Variants in SERPINB8 observed in about 807,000 individuals in gnomAD.
SERPINB8 encodes the protein serpin B8.
Under a neutral mutation model 35.3 loss-of-function variants are expected in SERPINB8, and 25 were observed. The observed-to-expected ratio is 0.71, with a 90% CI of 0.52 to 0.99. SERPINB8 has a LOEUF of 0.99. Ranked by LOEUF, SERPINB8 falls within the 50% of genes least tolerant of loss-of-function variation. The pLI, the probability that SERPINB8 is intolerant of heterozygous loss-of-function variation, is 0.00. For missense variants in SERPINB8, 484 were observed against 446.5 expected, an observed-to-expected ratio of 1.08 and a Z score of -0.76; for synonymous variants, 186 against 160.8, an observed-to-expected ratio of 1.16 and a Z score of -1.19.
At chr18:64,014,570 C>G (rs963933658) in intron 7 of SERPINB8, among the ~76,000 whole-genome samples, 5 of 152,166 alleles carry the variant, frequency 3.3e-5, no homozygotes, top group African/African-American at 1.2e-4. Flanking sequence ...TGCCAACTCT[C>G]TCAGTCTTTT....
chr18:63,997,234 C>T (rs2050854366), intron 1 of SERPINB8, among the ~76,000 whole-genome samples: 1 of 152,198 alleles, frequency 6.6e-6, no homozygotes. Context: ...GTACGTGACT[C>T]ACGGCTGTGA....
chr18:64,000,330 T>C (rs2050868349), intron 1 of SERPINB8, among the ~76,000 whole-genome samples: 2 of 152,186 alleles, frequency 1.3e-5, no homozygotes, highest in African/African-American at 4.8e-5. Context: ...ATCCCGCAAA[T>C]TCCATTTATT....
At chr18:63,981,101 G>C (rs74257049) in intron 3 of SERPINB8, among the ~76,000 whole-genome samples, 2,755 of 152,296 alleles carry the variant, frequency 0.018, 61 homozygotes, top group East Asian at 0.084. Flanking sequence ...GTACACATGT[G>C]CACTCATGCA....
intron 4 of SERPINB8, 52 bp downstream of exon 4, chr18:63,981,890 G>T (rs1260997252): frequency 2.3e-6 from 3 of 1,301,788 alleles, no homozygotes; most frequent in Non-Finnish European, 3.3e-6. Flanking sequence ...ACGAGGCTTA[G>T]ATTGACTGGG....
chr18:64,001,475 GTTTA>G (rs59133514), intron 1 of SERPINB8, among the ~76,000 whole-genome samples: 1,810 of 146,882 alleles, frequency 0.012, 41 homozygotes, highest in African/African-American at 0.043. Context: ...TTGTTTGTTT[GTTTA>G]TTTATTTATT....
In SERPINB8 at chr18:63,983,659, G is replaced by C; in HGVS notation, c.505G>C (p.Gly169Arg). 1 of 1,613,944 alleles carries C rather than the reference G, an allele frequency of 6.2e-7. No individual in the cohort carries two copies. ...CCTTGTGAATGCCATTTATTTCAAG[G>C]GAAAGTGGAATGAGCAATTTGACAG... is the stretch of plus-strand genomic sequence containing the variant. ...LVLVNAIYFK[G>R]KWNEQFDRKY... Residue 169 changes from glycine to arginine, a missense_variant, in exon 5 of 7, where the codon GGA (glycine) becomes CGA (arginine). Physicochemically the swap from Gly to Arg is moderately radical, Grantham distance 125. Transcript: ENST00000397985.
chr18:63,980,032 C>A (rs1944269), intron 3 of SERPINB8, 94 bp downstream of exon 3: 5 of 1,263,742 alleles, frequency 4.0e-6, no homozygotes, highest in Non-Finnish European at 5.6e-6. Flanking sequence ...TGACTTAAAA[C>A]GTGCTTGGAA....
intron 7 of SERPINB8, among the ~76,000 whole-genome samples, chr18:64,012,593 G>GCA (rs60524924): frequency 3.3e-5 from 5 of 151,356 alleles, no homozygotes; most frequent in African/African-American, 9.7e-5. Flanking sequence ...GTGTGTGTGC[G>GCA]TGTGTGTGTA....
intron 7 of SERPINB8, among the ~76,000 whole-genome samples, chr18:64,012,272 T>C (rs80108693): frequency 0.043 from 6,609 of 152,220 alleles, 478 homozygotes; most frequent in African/African-American, 0.15. Flanking sequence ...TCCTTAGTAA[T>C]ATGTGAAATA....
At chr18:64,010,496 A>G (rs2050921132), downstream of SERPINB8, among the ~76,000 whole-genome samples, 1 of 152,178 alleles carries the variant, frequency 6.6e-6, no homozygotes, top group African/African-American at 2.4e-5. Flanking sequence ...AAAGGAACAA[A>G]TGATATTGCA....
In SERPINB8 at chr18:63,986,980, G is replaced by A; in HGVS notation, c.827G>A (p.Ser276Asn). Reference sequence around the variant, plus strand: ...CTTCCCAGATTAAAGCTGGAGGAGAGTTATGACTTGGAGCCTTTCCTTCGA... The same window carrying A: ...CTTCCCAGATTAAAGCTGGAGGAGAATTATGACTTGGAGCCTTTCCTTCGA... ...VFLPRLKLEE[S>N]YDLEPFLRRL... The change falls in exon 7 of 7, where the codon AGT becomes AAT. Residue 276 changes from serine to asparagine, a missense_variant. Physicochemically the swap from Ser to Asn is conservative, Grantham distance 46. Transcript: ENST00000397985. 1 of 1,614,216 alleles carries A rather than the reference G, an allele frequency of 6.2e-7. No individual in the cohort carries two copies. Among genetic ancestry groups the A allele is most frequent in the East Asian group, 2.2e-5 (1 of 44,884 alleles).
chr18:64,016,041 C>G (rs932479585), intron 7 of SERPINB8, among the ~76,000 whole-genome samples: 1 of 152,144 alleles, frequency 6.6e-6, no homozygotes, highest in Non-Finnish European at 1.5e-5. Context: ...CTAGACAGAC[C>G]CTAGACACTT....
exon 8 of SERPINB8, chr18:64,018,996 C>A (rs2050963373): frequency 6.6e-6 from 1 of 152,206 alleles, no homozygotes; most frequent in African/African-American, 2.4e-5. Flanking sequence ...CCAACTACAT[C>A]ATGACTGTCA....
Position 63,986,903 on chromosome 18 carries a change from C to A in SERPINB8, c.750C>A (p.Phe250Leu). The A allele has an allele frequency of 6.2e-7, 1 of 1,611,680 alleles. No homozygotes were observed. The highest frequency in any genetic ancestry group is 8.5e-7 in the Non-Finnish European group (1 of 1,179,344). ...VVEKALTYEK[F>L]KAWTNSEKLT... Reference sequence around the variant, plus strand: ...AAAAAGCACTTACATATGAGAAATTCAAAGCCTGGACAAATTCAGAAAAGT... The same window carrying A: ...AAAAAGCACTTACATATGAGAAATTAAAAGCCTGGACAAATTCAGAAAAGT... The change falls in exon 7 of 7, where the codon TTC becomes TTA. Residue 250 changes from phenylalanine to leucine, a missense_variant. Transcript: ENST00000397985.
chr18:64,005,037 G>C (rs944005221), exon 2 of SERPINB8: 4 of 392,930 alleles, frequency 1.0e-5, no homozygotes, highest in Non-Finnish European at 1.8e-5. Context: ...AGCTTCTTTG[G>C]GTCCCACAAA....
At chr18:63,992,290 T>C (rs1248211038), downstream of SERPINB8, among the ~76,000 whole-genome samples, 1 of 152,258 alleles carries the variant, frequency 6.6e-6, no homozygotes, top group East Asian at 1.9e-4. Context: ...CATTAATAGA[T>C]AGTGAACTAT....
chr18:63,986,026 C>T (rs2050748139), intron 6 of SERPINB8, among the ~76,000 whole-genome samples: 2 of 152,166 alleles, frequency 1.3e-5, no homozygotes, highest in Admixed American at 1.3e-4. Flanking sequence ...TGAGGGTGGG[C>T]TGCTTGATTT....
chr18:63,986,583 T>TA lies in SERPINB8; in HGVS notation c.721-285dup, dbSNP rs559072659. 4.3e-4 allele frequency: 562 copies of TA among 1,313,122 alleles called. 2 individuals are homozygous for TA. The African/African-American group carries it at 6.5e-3, about 15-fold the overall frequency. 81.3% of individuals were successfully genotyped at this position (1,313,122 alleles called of 1,614,324 possible). ...AATTGGTTAGAATTTTCTAAACTGT[T>TA]AAAAAATGTTTTTAACATTTGAAAG... On this transcript the variant is annotated intron_variant, in intron 6 of 6. Transcript: ENST00000397985.
intron 1 of SERPINB8, 49 bp from the exon 2 acceptor site, chr18:63,978,250 A>C: frequency 1.9e-6 from 3 of 1,582,610 alleles, no homozygotes; most frequent in Non-Finnish European, 2.6e-6. Context: ...CTGCGTGGCT[A>C]CCGGAGTCAT....
Sources: gnomAD v4.1 joint callset for allele counts (sites outside exome capture counted in the v4.1 genomes callset) on GRCh38, gnomAD v4.1.1 for gene constraint, MANE v1.5 for transcripts, NCBI Gene and HGNC (gene_info 2026-07-23, HGNC 2026-07-21) for gene names.